TRPM1: variants seen among roughly 807,000 people sequenced by gnomAD.
The protein encoded by TRPM1 is TRPM1-203 APA Isoform, Intron 10.
In TRPM1, 113 loss-of-function variants were observed where a neutral mutation model predicts 149.4. The ratio of observed to expected loss-of-function variants is 0.76; its 90% CI spans 0.65 to 0.88. The LOEUF is 0.88. Among genes scored for constraint, TRPM1 ranks in the 40% least tolerant of loss-of-function variants. The pLI, the probability that TRPM1 is intolerant of heterozygous loss-of-function variation, is 0.00. For missense variants in TRPM1, 1,976 were observed against 2,038.7 expected, an observed-to-expected ratio of 0.97 and a Z score of 0.59; for synonymous variants, 741 against 759.5, an observed-to-expected ratio of 0.98 and a Z score of 0.40.
intron 1 of TRPM1, among the ~76,000 whole-genome samples, chr15:31,150,041 G>T (rs943261867): frequency 1.3e-5 from 2 of 152,138 alleles, no homozygotes; most frequent in Non-Finnish European, 2.9e-5. Context: ...GGAAGTAAGG[G>T]GTAAAGCCCA....
At chr15:31,023,136 A>G (rs536579181) in intron 27 of TRPM1, among the ~76,000 whole-genome samples, 1 of 152,374 alleles carries the variant, frequency 6.6e-6, no homozygotes, top group East Asian at 1.9e-4. Flanking sequence ...ATGCAGCTTA[A>G]GGCCTGAGGG....
intron 1 of TRPM1, among the ~76,000 whole-genome samples, chr15:31,113,309 C>T (rs922654788): frequency 3.3e-5 from 5 of 152,204 alleles, no homozygotes; most frequent in African/African-American, 1.2e-4. Context: ...AGGAAGAGTG[C>T]TGCCTCTGAG....
intron 1 of TRPM1, among the ~76,000 whole-genome samples, chr15:31,141,058 C>T (rs944877209): frequency 6.6e-6 from 1 of 151,940 alleles, no homozygotes; most frequent in East Asian, 1.9e-4. Context: ...CCTGGAACTC[C>T]TAGCCTCAAG....
intron 1 of TRPM1, among the ~76,000 whole-genome samples, chr15:31,136,937 G>A (rs1403486111): frequency 1.3e-5 from 2 of 152,120 alleles, no homozygotes; most frequent in Non-Finnish European, 2.9e-5. Context: ...ACCTGAAAGA[G>A]AGAGATCTGA....
intron 24 of TRPM1, 115 bp downstream of exon 24, chr15:31,029,256 C>T: frequency 1.7e-6 from 2 of 1,157,532 alleles, no homozygotes; most frequent in South Asian, 1.3e-5. Context: ...GTACTGGCAC[C>T]AAAAAACAAG....
At position 31,002,123 on chromosome 15, in the gene TRPM1, T is replaced by C. The variant is rs1469966475; in HGVS notation, c.4577A>G (p.Asp1526Gly). 6.2e-7 allele frequency: 1 copy of C among 1,614,250 alleles called. No individual in the cohort carries two copies. ...VQAEHKEQFA[D>G]MQDEHHVAEA... ...AGCGACATGGTGTTCATCTTGCATA[T>C]CTGCAAACTGCTCTTTATGCTCAGC... Residue 1526 changes from aspartate (D) to glycine (G), a missense_variant, in exon 28 of 28, where the codon GAT (aspartate) becomes GGT (glycine). Physicochemically the swap from Asp to Gly is moderately conservative, Grantham distance 94 (BLOSUM62 -1). Transcript: ENST00000256552.
At chr15:31,106,956 T>C (rs1021840973) in intron 1 of TRPM1, among the ~76,000 whole-genome samples, 1 of 152,248 alleles carries the variant, frequency 6.6e-6, no homozygotes, top group Non-Finnish European at 1.5e-5. Context: ...ACTTTTAGAA[T>C]TTTGCCAATC....
intron 11 of TRPM1, among the ~76,000 whole-genome samples, chr15:31,059,649 C>T (rs755765516): frequency 1.3e-5 from 2 of 152,146 alleles, no homozygotes; most frequent in Non-Finnish European, 2.9e-5. Flanking sequence ...TCAAGCAATC[C>T]TCCCAAATCG....
intron 16 of TRPM1, among the ~76,000 whole-genome samples, chr15:31,044,939 T>C (rs1265551452): frequency 2.6e-5 from 4 of 152,136 alleles, no homozygotes; most frequent in Non-Finnish European, 5.9e-5. Context: ...ATGACCAAAG[T>C]TGACTCTAGA....
intron 1 of TRPM1, among the ~76,000 whole-genome samples, chr15:31,149,066 G>A (rs1248512772): frequency 6.6e-6 from 1 of 152,234 alleles, no homozygotes; most frequent in Non-Finnish European, 1.5e-5. Flanking sequence ...CATGTGAGAT[G>A]CCGTGACCAA....
chr15:31,002,513 T>A lies in TRPM1; in HGVS notation c.4187A>T (p.Glu1396Val), dbSNP rs1369927480. Reference sequence around the variant, plus strand: ...ATTTAAACTTGGGGAAATAGTTTCTTCTTTTTTAGAGTCTGTCTGTCTTTC... The same window carrying A: ...ATTTAAACTTGGGGAAATAGTTTCTACTTTTTTAGAGTCTGTCTGTCTTTC... ...DDERQTDSKK[E>V]ETISPSLNKT... The change falls in exon 28 of 28, where the codon GAA becomes GTA. Residue 1396 changes from glutamate to valine, a missense_variant. Physicochemically the swap from Glu to Val is moderately radical, Grantham distance 121. Coordinates refer to ENST00000256552, the MANE Select transcript of TRPM1 (RefSeq NM_001252024.2). 1 of 1,614,198 alleles carries A rather than the reference T, an allele frequency of 6.2e-7. No homozygotes were observed. Among genetic ancestry groups the A allele is most frequent in the East Asian group, 2.2e-5 (1 of 44,888 alleles).
chr15:31,024,933 G>A (rs2032670271), intron 27 of TRPM1, among the ~76,000 whole-genome samples: 1 of 152,146 alleles, frequency 6.6e-6, no homozygotes, highest in Non-Finnish European at 1.5e-5. Context: ...GTTGGATTTG[G>A]TTGGGTCACA....
At chr15:31,060,021 A>G (rs2034182234) in intron 11 of TRPM1, among the ~76,000 whole-genome samples, 2 of 151,894 alleles carry the variant, frequency 1.3e-5, no homozygotes, top group African/African-American at 4.8e-5. Flanking sequence ...CATACACACT[A>G]TACCACCCAT....
chr15:31,038,492 C>T (rs1006106195), intron 18 of TRPM1, among the ~76,000 whole-genome samples: 1 of 152,198 alleles, frequency 6.6e-6, no homozygotes, highest in Non-Finnish European at 1.5e-5. Flanking sequence ...GTTGGTGGCT[C>T]ATATGAGGCC....
intron 1 of TRPM1, among the ~76,000 whole-genome samples, chr15:31,135,076 T>A (rs1261564230): frequency 6.6e-6 from 1 of 152,222 alleles, no homozygotes; most frequent in Non-Finnish European, 1.5e-5. Flanking sequence ...ATGATTAAAC[T>A]TTTGTTTGTT....
intron 1 of TRPM1, among the ~76,000 whole-genome samples, chr15:31,085,636 G>T (rs909117243): frequency 1.3e-5 from 2 of 152,108 alleles, no homozygotes; most frequent in Non-Finnish European, 2.9e-5. Flanking sequence ...AACGCTTGTC[G>T]CTTTTGCCTC....
chr15:31,029,499 A>G (rs2032960292), intron 23 of TRPM1, 108 bp from the exon 24 acceptor site: 1 of 1,085,848 alleles, frequency 9.2e-7, no homozygotes, highest in Non-Finnish European at 1.4e-6. Context: ...GTGGTTTAAC[A>G]ACATAACTGT....
At chr15:31,126,479 T>G (rs1434958707) in intron 1 of TRPM1, among the ~76,000 whole-genome samples, 1 of 152,174 alleles carries the variant, frequency 6.6e-6, no homozygotes, top group Non-Finnish European at 1.5e-5. Context: ...TCCTCTTCCT[T>G]TCACAACTCT....
intron 19 of TRPM1, 74 bp from the exon 20 acceptor site, chr15:31,037,916 C>T (rs1431664325): frequency 5.6e-6 from 9 of 1,612,534 alleles, no homozygotes; most frequent in African/African-American, 5.3e-5. Flanking sequence ...CACACAGGCA[C>T]CATTAGAAAA....
Sources: gnomAD v4.1 joint callset for allele counts (sites outside exome capture counted in the v4.1 genomes callset) on GRCh38, gnomAD v4.1.1 for gene constraint, MANE v1.5 for transcripts, NCBI Gene and HGNC (gene_info 2026-07-23, HGNC 2026-07-21) for gene names.